VWA8: variants seen among roughly 807,000 people sequenced by gnomAD.
VWA8 encodes the protein von Willebrand factor A domain-containing protein 8.
Under a neutral mutation model 241.5 loss-of-function variants are expected in VWA8, and 221 were observed. That is an observed-to-expected ratio of 0.91 (90% CI 0.82 to 1.02). The LOEUF is 1.02. VWA8 is among the 50% of genes least tolerant of loss of function. The probability of loss-of-function intolerance (pLI) is 0.00; values close to 1 mark genes in which losing one functional copy is unlikely to be tolerated. For missense variants in VWA8, 2,322 were observed against 2,328.7 expected, an observed-to-expected ratio of 1.00 and a Z score of 0.06; for synonymous variants, 852 against 827.1, an observed-to-expected ratio of 1.03 and a Z score of -0.52.
intron 29 of VWA8, among the ~76,000 whole-genome samples, chr13:41,693,863 C>A (rs572735973): frequency 6.6e-6 from 1 of 151,892 alleles, no homozygotes; most frequent in Non-Finnish European, 1.5e-5. Context: ...AAGGTACCTG[C>A]AAGTTATTTG....
chr13:41,947,645 A>G (rs758263510), intron 2 of VWA8, among the ~76,000 whole-genome samples: 6 of 152,288 alleles, frequency 3.9e-5, no homozygotes, highest in Non-Finnish European at 7.4e-5. Flanking sequence ...TTTGAAAACC[A>G]TATTGGTGGT....
intron 31 of VWA8, 32 bp downstream of exon 31, chr13:41,691,842 C>T (rs1212384236): frequency 6.6e-7 from 1 of 1,515,724 alleles, no homozygotes; most frequent in Admixed American, 1.7e-5. Context: ...AATAAGAACT[C>T]CAGTTTAAAT....
chr13:41,844,339 A>G (rs553542461), intron 12 of VWA8, among the ~76,000 whole-genome samples: 4 of 152,290 alleles, frequency 2.6e-5, no homozygotes, highest in South Asian at 2.1e-4. Flanking sequence ...ACATACATCA[A>G]AATAATATAA....
chr13:41,753,592 A>G (rs2045671757), intron 21 of VWA8, among the ~76,000 whole-genome samples: 1 of 152,218 alleles, frequency 6.6e-6, no homozygotes, highest in Non-Finnish European at 1.5e-5. Flanking sequence ...CTCTCCAGAC[A>G]TCTTGATTTT....
In VWA8 at chr13:41,758,369, C is replaced by CATATAT. The variant is rs374621428; in HGVS notation, c.2426+2753_2426+2758dup. 6.5e-3 allele frequency among the ~76,000 whole-genome samples: 475 copies of CATATAT among 72,948 alleles called. 22 individuals are homozygous for CATATAT. Among genetic ancestry groups the CATATAT allele is most frequent in the African/African-American group, 0.019 (353 of 18,260 alleles). The allele number at this position is 72,948 out of a possible 152,430, so 47.9% of individuals were successfully genotyped here. ...TTTTTCCCATTGCTATAGATACTAG[C>CATATAT]ATATATATATATATATATATATACG... On this transcript the variant is annotated intron_variant, in intron 21 of 44. Coordinates refer to ENST00000379310, the MANE Select transcript of VWA8 (RefSeq NM_015058.2).
intron 43 of VWA8, among the ~76,000 whole-genome samples, chr13:41,571,971 G>A (rs1449602038): frequency 6.6e-6 from 1 of 152,118 alleles, no homozygotes; most frequent in East Asian, 1.9e-4. Context: ...CCCAGTCTGG[G>A]ATGTGAGGAA....
chr13:41,587,748 A>C (rs1337267734), intron 41 of VWA8, 78 bp from the exon 42 acceptor site: 5 of 1,563,666 alleles, frequency 3.2e-6, no homozygotes, highest in Admixed American at 1.8e-5. Flanking sequence ...ATCTCACAGA[A>C]GCTCCAGCGT....
chr13:41,728,808 T>C (rs1468936665), intron 23 of VWA8, among the ~76,000 whole-genome samples: 1 of 152,084 alleles, frequency 6.6e-6, no homozygotes, highest in Non-Finnish European at 1.5e-5. Flanking sequence ...AATGGGGTTC[T>C]CCTTACATAC....
chr13:41,648,213 T>TA (rs1408097026), intron 37 of VWA8, among the ~76,000 whole-genome samples: 3 of 152,126 alleles, frequency 2.0e-5, no homozygotes, highest in Admixed American at 1.3e-4. Context: ...ATAATGATGA[T>TA]AAAAAAAGAT....
Position 41,778,041 on chromosome 13 carries a change from C to T in VWA8, c.2293G>A (p.Glu765Lys), listed in dbSNP as rs760537277. 4 of 1,611,706 alleles carry T rather than the reference C, an allele frequency of 2.5e-6. No homozygotes were observed. Among genetic ancestry groups the T allele is most frequent in the Non-Finnish European group, 2.5e-6 (3 of 1,179,160 alleles). The change falls in exon 20 of 45, where the codon GAA becomes AAA. Residue 765 changes from glutamate (E) to lysine (K), a missense_variant. By Grantham distance (56) the Glu-to-Lys change is moderately conservative (BLOSUM62 1). Transcript: ENST00000379310. Reference protein sequence around the residue: ...YDNIQHVIVMEDMLKDFLLGE... With the variant: ...YDNIQHVIVMKDMLKDFLLGE... The stretch of plus-strand genomic sequence containing the variant: ...AGGAGAAAGTCTTTCAGCATATCTT[C>T]CATCACTATCACATGCTAGAGAAAA...
intron 43 of VWA8, among the ~76,000 whole-genome samples, chr13:41,573,875 G>C (rs1308256938): frequency 6.6e-6 from 1 of 152,064 alleles, no homozygotes; most frequent in Non-Finnish European, 1.5e-5. Flanking sequence ...GCCCGCCTCG[G>C]CCTCCCGGGG....
At chr13:41,778,660 C>G (rs912217011) in intron 19 of VWA8, among the ~76,000 whole-genome samples, 2 of 103,986 alleles carry the variant, frequency 1.9e-5, no homozygotes, top group Non-Finnish European at 4.2e-5. Flanking sequence ...TTCTTTAGGG[C>G]TGGGAAGAGA....
chr13:41,626,210 T>C (rs1459202539), intron 37 of VWA8, among the ~76,000 whole-genome samples: 1 of 152,052 alleles, frequency 6.6e-6, no homozygotes, highest in African/African-American at 2.4e-5. Context: ...TGTGCGCATG[T>C]ACCCTAAAAC....
intron 37 of VWA8, among the ~76,000 whole-genome samples, chr13:41,628,866 T>C (rs1000853226): frequency 3.3e-5 from 5 of 151,784 alleles, no homozygotes; most frequent in Admixed American, 2.0e-4. Context: ...CATGGTGAAA[T>C]CCCATTTCTA....
At chr13:41,745,543 C>T (rs1303906932) in intron 21 of VWA8, among the ~76,000 whole-genome samples, 1 of 152,100 alleles carries the variant, frequency 6.6e-6, no homozygotes, top group East Asian at 1.9e-4. Flanking sequence ...AAAAAGTGGG[C>T]AAAGGATATG....
chr13:41,933,303 A>C (rs556172181), intron 2 of VWA8, among the ~76,000 whole-genome samples: 1 of 152,172 alleles, frequency 6.6e-6, no homozygotes, highest in African/African-American at 2.4e-5. Flanking sequence ...AACATTGCTG[A>C]GAGAAATTAA....
At chr13:41,647,961 C>A (rs1485663952) in intron 37 of VWA8, among the ~76,000 whole-genome samples, 4 of 152,046 alleles carry the variant, frequency 2.6e-5, no homozygotes, top group Non-Finnish European at 5.9e-5. Context: ...TGCACTCTAG[C>A]CTGGGCGAAG....
At chr13:41,803,074 A>C (rs1018390748) in intron 17 of VWA8, among the ~76,000 whole-genome samples, 2 of 152,254 alleles carry the variant, frequency 1.3e-5, no homozygotes, top group African/African-American at 4.8e-5. Context: ...TGGTATCTCT[A>C]TGAGTCTGCA....
chr13:41,595,824 G>T (rs66700955), intron 40 of VWA8, among the ~76,000 whole-genome samples: 1 of 151,956 alleles, frequency 6.6e-6, no homozygotes, highest in East Asian at 1.9e-4. Context: ...TTTTGGAGCA[G>T]GTATGTGCAT....
Sources: allele counts gnomAD v4.1 joint callset (sites outside exome capture counted in the v4.1 genomes callset), GRCh38; gene constraint gnomAD v4.1.1; transcripts MANE v1.5; gene names NCBI Gene and HGNC (gene_info 2026-07-23, HGNC 2026-07-21).